The following IMPG2 variants were observed in gnomAD, a reference collection of about 807,000 sequenced individuals.
The protein encoded by IMPG2 is IPM 200.
IMPG2 carries 91 observed loss-of-function variants against 129.2 expected under a neutral mutation model. The observed-to-expected ratio is 0.70, with a 90% CI of 0.59 to 0.84. The LOEUF (loss-of-function observed/expected upper bound fraction) is 0.84. Ranked by LOEUF, IMPG2 falls within the 40% of genes least tolerant of loss-of-function variation. The pLI, the probability that IMPG2 is intolerant of heterozygous loss-of-function variation, is 0.00. For missense variants in IMPG2, 1,430 were observed against 1,461.7 expected (o/e 0.98, Z 0.35); for synonymous variants, 510 against 517.7 (o/e 0.99, Z 0.20).
intron 3 of IMPG2, among the ~76,000 whole-genome samples, chr3:101,300,288 A>T (rs1334669518): frequency 1.3e-5 from 2 of 152,150 alleles, no homozygotes; most frequent in East Asian, 3.9e-4. Flanking sequence ...AGCTATAGAG[A>T]TGGCTGCCAC....
At chr3:101,239,142 A>G (rs1706379265) in intron 14 of IMPG2, among the ~76,000 whole-genome samples, 1 of 152,252 alleles carries the variant, frequency 6.6e-6, no homozygotes, top group Non-Finnish European at 1.5e-5. Flanking sequence ...ATCAGAGTGA[A>G]CAGGCAACCT....
Position 101,257,555 on chromosome 3 carries a change from T to C in IMPG2, c.1127A>G (p.Asp376Gly). Reference protein sequence around the residue: ...FLLGNSSLNPDPDSLQLINVR... With the variant: ...FLLGNSSLNPGPDSLQLINVR... ...ATTGATAAGCTGCAGGGAATCAGGATCTGGATTCAAGGAAGAGTTCCCCAG... is the reference window on the plus strand; with the variant it reads ...ATTGATAAGCTGCAGGGAATCAGGACCTGGATTCAAGGAAGAGTTCCCCAG... Residue 376 changes from aspartate (D) to glycine (G), a missense_variant, in exon 10 of 19, where the codon GAT becomes GGT. Transcript: ENST00000193391. 3 of 1,613,334 alleles carry C rather than the reference T, an allele frequency of 1.9e-6. No individual in the cohort carries two copies. Among genetic ancestry groups the C allele is most frequent in the Non-Finnish European group, 2.5e-6 (3 of 1,179,490 alleles).
intron 14 of IMPG2, among the ~76,000 whole-genome samples, chr3:101,237,244 C>A (rs966956155): frequency 6.6e-6 from 1 of 152,200 alleles, no homozygotes; most frequent in Non-Finnish European, 1.5e-5. Flanking sequence ...AAACTCCCCT[C>A]TCCCTGGGAC....
chr3:101,234,048 G>A, intron 14 of IMPG2, among the ~76,000 whole-genome samples: 1 of 151,526 alleles, frequency 6.6e-6, no homozygotes, highest in East Asian at 1.9e-4. Context: ...GGCTGCATGT[G>A]GTAACAGGGG....
intron 14 of IMPG2, among the ~76,000 whole-genome samples, chr3:101,238,121 G>A (rs1706367696): frequency 6.6e-6 from 1 of 151,788 alleles, no homozygotes; most frequent in Admixed American, 6.6e-5. Flanking sequence ...GAAAGGATAT[G>A]AGATTGAAGA....
chr3:101,236,769 C>T (rs950721449), intron 14 of IMPG2, among the ~76,000 whole-genome samples: 6 of 152,094 alleles, frequency 3.9e-5, no homozygotes, highest in South Asian at 2.1e-4. Context: ...AAAAACTGGG[C>T]GGCCATTTGC....
intron 15 of IMPG2, among the ~76,000 whole-genome samples, chr3:101,231,914 C>T (rs890556469): frequency 2.4e-4 from 37 of 152,128 alleles, no homozygotes; most frequent in African/African-American, 8.0e-4. Context: ...TTGGTTCTAC[C>T]TTTAGAAAAT....
chr3:101,298,613 T>C (rs1707107458), intron 3 of IMPG2, among the ~76,000 whole-genome samples: 1 of 152,186 alleles, frequency 6.6e-6, no homozygotes, highest in African/African-American at 2.4e-5. Flanking sequence ...AATCTCTCAG[T>C]ATTTGCTTGT....
At chr3:101,289,807 T>C (rs1317160042) in intron 4 of IMPG2, among the ~76,000 whole-genome samples, 1 of 151,838 alleles carries the variant, frequency 6.6e-6, no homozygotes, top group Non-Finnish European at 1.5e-5. Context: ...CAAGCCTTTG[T>C]ACCAGCAAAT....
intron 2 of IMPG2, among the ~76,000 whole-genome samples, chr3:101,311,621 T>C (rs554835951): frequency 2.5e-4 from 38 of 152,324 alleles, no homozygotes; most frequent in African/African-American, 9.1e-4. Flanking sequence ...TTTAACACTG[T>C]TGAGATGGCA....
At chr3:101,240,307 T>C (rs1357816388) in intron 14 of IMPG2, among the ~76,000 whole-genome samples, 1 of 152,052 alleles carries the variant, frequency 6.6e-6, no homozygotes, top group Non-Finnish European at 1.5e-5. Context: ...TCTGTAGAGA[T>C]GGAGACTCAC....
chr3:101,266,222 A>C (rs1706719403), intron 9 of IMPG2, among the ~76,000 whole-genome samples: 1 of 152,184 alleles, frequency 6.6e-6, no homozygotes, highest in African/African-American at 2.4e-5. Context: ...AGGAAAGGAA[A>C]TTAGTATATC....
chr3:101,249,228 T>C (rs746824898), intron 11 of IMPG2, among the ~76,000 whole-genome samples: 1 of 152,178 alleles, frequency 6.6e-6, no homozygotes, highest in Non-Finnish European at 1.5e-5. Context: ...CACATCTCCA[T>C]TGGTAGATTC....
intron 8 of IMPG2, among the ~76,000 whole-genome samples, chr3:101,268,874 A>G (rs1706748634): frequency 6.6e-6 from 1 of 152,192 alleles, no homozygotes; most frequent in Non-Finnish European, 1.5e-5. Flanking sequence ...ACTTTGGGCT[A>G]ATACTTCATC....
intron 2 of IMPG2, 56 bp from the exon 3 acceptor site, chr3:101,304,368 C>A (rs1409212879): frequency 6.7e-7 from 1 of 1,485,780 alleles, no homozygotes; most frequent in Non-Finnish European, 9.4e-7. Context: ...GGGGTTCTTA[C>A]AATGATCATA....
chr3:101,239,350 G>A (rs1706381414), intron 14 of IMPG2, among the ~76,000 whole-genome samples: 1 of 152,140 alleles, frequency 6.6e-6, no homozygotes, highest in Non-Finnish European at 1.5e-5. Flanking sequence ...ATCATCAGTG[G>A]TCATTACAGA....
At chr3:101,227,771 T>G (rs529557052) in intron 18 of IMPG2, 1 of 456,010 alleles carries the variant, frequency 2.2e-6, no homozygotes, top group Admixed American at 2.3e-5. Flanking sequence ...ATCTCTACCA[T>G]GCACATGGAA....
intron 9 of IMPG2, among the ~76,000 whole-genome samples, chr3:101,261,219 A>T (rs1289995529): frequency 6.6e-6 from 1 of 152,150 alleles, no homozygotes; most frequent in Non-Finnish European, 1.5e-5. Context: ...ATTTTTGCAC[A>T]ACCTATTAAA....
Position 101,319,676 on chromosome 3 carries a change from C to T in IMPG2, c.242G>A (p.Arg81Lys), listed in dbSNP as rs1336028142. The T allele has an allele frequency of 6.2e-7, 1 of 1,613,724 alleles. No individual in the cohort carries two copies. Among genetic ancestry groups the T allele is most frequent in the South Asian group, 1.1e-5 (1 of 91,082 alleles). Reference sequence around the variant, plus strand: ...CACTCCATTAGGAAACAGAATAGATCTCCGCCTTCTGATTAACCACTGTCT... The same window carrying T: ...CACTCCATTAGGAAACAGAATAGATTTCCGCCTTCTGATTAACCACTGTCT... Reference protein sequence around the residue: ...TERQWLIRRRRSILFPNGVKI... With the variant: ...TERQWLIRRRKSILFPNGVKI... Residue 81 changes from arginine (R) to lysine (K), a missense_variant, in exon 2 of 19, where the codon AGA becomes AAA. By Grantham distance (26) the Arg-to-Lys change is conservative (BLOSUM62 2). Transcript: ENST00000193391.
Sources: gnomAD v4.1 joint callset for allele counts (sites outside exome capture counted in the v4.1 genomes callset) on GRCh38, gnomAD v4.1.1 for gene constraint, MANE v1.5 for transcripts, NCBI Gene and HGNC (gene_info 2026-07-23, HGNC 2026-07-21) for gene names.